ANKRD36C: variants seen among roughly 807,000 people sequenced by gnomAD.
ANKRD36C encodes ankyrin repeat domain-containing protein 36C.
In ANKRD36C, 61 loss-of-function variants were observed where a neutral mutation model predicts 276.4. The ratio of observed to expected loss-of-function variants is 0.22; its 90% CI spans 0.18 to 0.27. The LOEUF is 0.27. Among genes scored for constraint, ANKRD36C ranks in the 10% least tolerant of loss-of-function variants. The pLI, the probability that ANKRD36C is intolerant of heterozygous loss-of-function variation, is 1.00. For synonymous variants in ANKRD36C, 483 were observed against 680.1 expected (o/e 0.71, Z 4.51); for missense variants, 1,447 against 2,032.3 (o/e 0.71, Z 5.54).
rs2104399688 is a variant in ANKRD36C at position 95,912,336 on chromosome 2, A to C, written c.2581-20T>G. On this transcript the variant is annotated intron_variant, in intron 41 of 66. Transcript: ENST00000456556. ...TGTAGCCTGAATGGAATTTGAAACAAAATAATAAATAAGGTATGTTTCATA... is the reference window on the plus strand; with the variant it reads ...TGTAGCCTGAATGGAATTTGAAACACAATAATAAATAAGGTATGTTTCATA... 2 of 1,595,966 alleles carry C rather than the reference A, an allele frequency of 1.3e-6. No individual in the cohort carries two copies. Among genetic ancestry groups the C allele is most frequent in the East Asian group, 4.6e-5 (2 of 43,922 alleles).
chr2:95,989,057 T>TA (rs746082595), intron 1 of ANKRD36C, among the ~76,000 whole-genome samples: 31 of 152,138 alleles, frequency 2.0e-4, no homozygotes, highest in Non-Finnish European at 4.1e-4. Flanking sequence ...TAATCCCAGC[T>TA]ACTCAGGAGG....
intron 32 of ANKRD36C, among the ~76,000 whole-genome samples, chr2:95,922,093 A>G (rs1417480871): frequency 5.3e-5 from 8 of 151,682 alleles, no homozygotes; most frequent in Non-Finnish European, 8.9e-5. Context: ...CCAAGTGATC[A>G]CGACAAATGT....
At chr2:95,918,553 G>A (rs759131229) in intron 34 of ANKRD36C, among the ~76,000 whole-genome samples, 1 of 151,686 alleles carries the variant, frequency 6.6e-6, no homozygotes, top group Non-Finnish European at 1.5e-5. Context: ...TTCAGTGGAA[G>A]TGTCCTAAAT....
chr2:95,963,976 T>TATATATATAA (rs1678523454), intron 6 of ANKRD36C, among the ~76,000 whole-genome samples: 1 of 27,610 alleles, frequency 3.6e-5, no homozygotes, highest in Non-Finnish European at 6.3e-5. Context: ...TATATAAATA[T>TATATATATAA]ATATATATAT....
chr2:95,908,987 A>T lies in ANKRD36C; in HGVS notation c.2653+3257T>A, dbSNP rs1280044085. ...AACGTGGATATGCCGAGTGATGAGGACAAAGTGATCTAAAATCAGAGGAGC... is the reference window on the plus strand; with the variant it reads ...AACGTGGATATGCCGAGTGATGAGGTCAAAGTGATCTAAAATCAGAGGAGC... On this transcript the variant is annotated intron_variant, in intron 42 of 66. Coordinates refer to ENST00000456556, the Ensembl canonical transcript of ANKRD36C. 1.5e-4 allele frequency among the ~76,000 whole-genome samples: 22 copies of T among 150,480 alleles called. 1 individual carries two copies. Among genetic ancestry groups the T allele is most frequent in the African/African-American group, 3.4e-4 (14 of 41,110 alleles).
At chr2:95,980,847 T>TTAGTTATATAC (rs1167550245) in intron 4 of ANKRD36C, 62 bp from the exon 5 acceptor site, 1 of 1,523,042 alleles carries the variant, frequency 6.6e-7, no homozygotes, top group African/African-American at 1.4e-5. Flanking sequence ...GTTTATATAC[T>TTAGTTATATAC]TTATCAACTT....
At chr2:95,880,709 A>C in intron 56 of ANKRD36C, 86 bp from the exon 77 acceptor site, 20 of 1,467,310 alleles carry the variant, frequency 1.4e-5, no homozygotes, top group Non-Finnish European at 1.5e-5. Flanking sequence ...CATCAAACTG[A>C]ATACTCTTGC....
At chr2:95,875,339 ACTATGCAGC>A (rs1462075863) in intron 59 of ANKRD36C, among the ~76,000 whole-genome samples, 1 of 152,158 alleles carries the variant, frequency 6.6e-6, no homozygotes, top group Non-Finnish European at 1.5e-5. Context: ...ACCATGGAAT[ACTATGCAGC>A]CATAAAAAAT....
chr2:95,875,080 T>G (rs1328688113), intron 59 of ANKRD36C, among the ~76,000 whole-genome samples: 1 of 152,176 alleles, frequency 6.6e-6, no homozygotes, highest in East Asian at 1.9e-4. Context: ...ACACTGTTGG[T>G]GGGACTGTAA....
intron 44 of ANKRD36C, chr2:95,894,204 T>C (rs1371337903): frequency 1.0e-5 from 2 of 199,248 alleles, no homozygotes; most frequent in South Asian, 9.1e-5. Flanking sequence ...ATACTTCAGT[T>C]AAACTTACAC....
chr2:95,914,983 A>T (rs1198009839), intron 38 of ANKRD36C, among the ~76,000 whole-genome samples: 3 of 151,578 alleles, frequency 2.0e-5, no homozygotes, highest in African/African-American at 7.3e-5. Context: ...ATAATATATT[A>T]ACCTCAATAA....
chr2:95,910,797 A>G (rs1191300189), intron 42 of ANKRD36C, among the ~76,000 whole-genome samples: 2 of 151,392 alleles, frequency 1.3e-5, no homozygotes, highest in East Asian at 3.9e-4. Flanking sequence ...ACGATTTCTC[A>G]TATGTCTAAA....
Position 95,918,023 on chromosome 2 carries a change from T to A in ANKRD36C, c.2265A>T (p.Pro755=), listed in dbSNP as rs748009339. ...ATGAGAGTTTAATTACCTTCAAGGC[T>A]GGTTGTTTCTGAGAAGACACTGAAA... The change falls in exon 35 of 67, where the codon CCA becomes CCT. Residue 755 remains proline (P), a synonymous_variant. Coordinates refer to ENST00000456556, the Ensembl canonical transcript of ANKRD36C. 9.4e-6 allele frequency: 15 copies of A among 1,600,964 alleles called. No individual in the cohort carries two copies. The East Asian group carries it at 3.2e-4, about 34-fold the overall frequency.
At chr2:95,917,864 A>T (rs560846319) in exon 36 of ANKRD36C, 1 of 1,600,550 alleles carries the variant, frequency 6.2e-7, no homozygotes, top group Admixed American at 1.7e-5. Flanking sequence ...CCTGTCCCAG[A>T]TTTTTCTCCG....
intron 6 of ANKRD36C, 22 bp from the exon 7 acceptor site, chr2:95,962,569 T>C: frequency 6.3e-7 from 1 of 1,598,734 alleles, no homozygotes; most frequent in Non-Finnish European, 8.5e-7. Context: ...AAGGGATACA[T>C]CATCAATCAT....
In ANKRD36C at chr2:95,960,593, T is replaced by C. The variant is rs527466671; in HGVS notation, c.930+46A>G. Reference sequence around the variant, plus strand: ...TAATCAATACCTAAAGTATATTTCATAGACTATACAGTTAATTATTCAAAA... The same window carrying C: ...TAATCAATACCTAAAGTATATTTCACAGACTATACAGTTAATTATTCAAAA... On this transcript the variant is annotated intron_variant, in intron 9 of 66. Coordinates refer to ENST00000456556, the Ensembl canonical transcript of ANKRD36C. 18 of 1,340,552 alleles carry C rather than the reference T, an allele frequency of 1.3e-5. 1 individual carries two copies. The South Asian group carries it at 1.8e-4, about 13-fold the overall frequency. The allele number at this position is 1,340,552 out of a possible 1,614,324, so 83.0% of individuals were successfully genotyped here.
rs1254359020 is a variant in ANKRD36C at position 95,919,540 on chromosome 2, A to G, written c.2246-1498T>C. Among the ~76,000 whole-genome samples the G allele has an allele frequency of 2.3e-5, 3 of 132,204 alleles. 1 individual carries two copies. The highest frequency in any genetic ancestry group is 5.3e-5 in the African/African-American group (2 of 38,038). 86.7% of individuals were successfully genotyped at this position (132,204 alleles called of 152,430 possible). ...GTGGGAAAGTGTATAATCTTACTGCAAAGATCATGTTCCAGGCCAACAGCA... is the reference window on the plus strand; with the variant it reads ...GTGGGAAAGTGTATAATCTTACTGCGAAGATCATGTTCCAGGCCAACAGCA... On this transcript the variant is annotated intron_variant, in intron 34 of 66. Transcript: ENST00000456556.
chr2:95,936,457 G>T (rs993072513), intron 22 of ANKRD36C, among the ~76,000 whole-genome samples: 3 of 152,260 alleles, frequency 2.0e-5, no homozygotes, highest in Admixed American at 6.5e-5. Flanking sequence ...CTAACATGAA[G>T]CACCTGTCCT....
chr2:95,895,097 T>G (rs1370067696), intron 44 of ANKRD36C, among the ~76,000 whole-genome samples: 4 of 146,676 alleles, frequency 2.7e-5, no homozygotes, highest in African/African-American at 7.6e-5. Flanking sequence ...CCTTACACCC[T>G]TAATGAAAAG....
Sources: allele counts gnomAD v4.1 joint callset (sites outside exome capture counted in the v4.1 genomes callset), GRCh38; gene constraint gnomAD v4.1.1; transcripts MANE v1.5; gene names NCBI Gene and HGNC (gene_info 2026-07-23, HGNC 2026-07-21).